The following UNC5D variants were observed in gnomAD, a reference collection of about 807,000 sequenced individuals.
UNC5D encodes the protein netrin receptor UNC5D.
In UNC5D, 39 loss-of-function variants were observed where a neutral mutation model predicts 105.4. That is an observed-to-expected ratio of 0.37 (90% CI 0.29 to 0.48). The LOEUF is 0.48. UNC5D is among the 20% of genes least tolerant of loss of function. The pLI is 0.98. For missense variants in UNC5D, 991 were observed against 1,202.4 expected, an observed-to-expected ratio of 0.82 and a Z score of 2.60; for synonymous variants, 452 against 450.4, an observed-to-expected ratio of 1.00 and a Z score of -0.04.
intron 16 of UNC5D, among the ~76,000 whole-genome samples, chr8:35,777,775 T>C (rs1802322158): frequency 6.6e-6 from 1 of 152,238 alleles, no homozygotes; most frequent in Non-Finnish European, 1.5e-5. Flanking sequence ...TGCTGACCCC[T>C]GATTTAAGTG....
intron 13 of UNC5D, among the ~76,000 whole-genome samples, chr8:35,754,204 A>AGAGT (rs1173773663): frequency 2.6e-5 from 4 of 152,148 alleles, no homozygotes; most frequent in African/African-American, 9.7e-5. Context: ...ATACAGTAAT[A>AGAGT]ATATTTTCTG....
At chr8:35,558,748 C>A (rs546644132) in intron 2 of UNC5D, among the ~76,000 whole-genome samples, 1 of 152,162 alleles carries the variant, frequency 6.6e-6, no homozygotes, top group African/African-American at 2.4e-5. Context: ...TTTGGGAGGC[C>A]GAGGTGGGCG....
intron 11 of UNC5D, among the ~76,000 whole-genome samples, chr8:35,744,606 A>T (rs893962664): frequency 6.6e-6 from 1 of 152,056 alleles, no homozygotes; most frequent in Non-Finnish European, 1.5e-5. Flanking sequence ...TACTGCCATG[A>T]TTTACTCTGA....
Position 35,588,458 on chromosome 8 carries a change from T to A in UNC5D, c.467-7096T>A, listed in dbSNP as rs7827951. ...GTGAGATTCTCTGCCTCAGTTTAGA[T>A]ATTACTCTCTGAGAAACTTTTTTGC... On this transcript the variant is annotated intron_variant, in intron 3 of 16. Coordinates refer to ENST00000404895, the MANE Select transcript of UNC5D (RefSeq NM_080872.4). Among the ~76,000 whole-genome samples the A allele has an allele frequency of 2.3e-3, 347 of 152,332 alleles. 2 individuals are homozygous for A. Among genetic ancestry groups the A allele is most frequent in the African/African-American group, 8.0e-3 (333 of 41,588 alleles).
chr8:35,303,059 A>G lies in UNC5D; in HGVS notation c.103+67172A>G, dbSNP rs552019724. On this transcript the variant is annotated intron_variant, in intron 1 of 16. Transcript: ENST00000404895. ...ATATATATGTTATTCAACTCAATTC[A>G]TCCAATATAATATTATGTCAACATA... Among the ~76,000 whole-genome samples, 496 of 152,238 alleles carry G rather than the reference A, an allele frequency of 3.3e-3. 5 individuals are homozygous for G. The highest frequency in any genetic ancestry group is 0.011 in the African/African-American group (470 of 41,558).
intron 16 of UNC5D, among the ~76,000 whole-genome samples, chr8:35,780,483 A>G (rs1356221963): frequency 6.6e-6 from 1 of 152,256 alleles, no homozygotes; most frequent in Non-Finnish European, 1.5e-5. Flanking sequence ...GAAGGCCCCA[A>G]GGCAGCTTAG....
intron 3 of UNC5D, among the ~76,000 whole-genome samples, chr8:35,594,910 G>T (rs1345844704): frequency 6.6e-6 from 1 of 152,200 alleles, no homozygotes; most frequent in Non-Finnish European, 1.5e-5. Flanking sequence ...TTTGCAAAGT[G>T]CCTGGAGCCT....
chr8:35,783,371 A>G (rs1802597024), intron 16 of UNC5D, among the ~76,000 whole-genome samples: 1 of 152,176 alleles, frequency 6.6e-6, no homozygotes, highest in Non-Finnish European at 1.5e-5. Context: ...ATATTTTTAT[A>G]TGAAATTTAT....
chr8:35,492,512 G>C (rs35546428), intron 1 of UNC5D, among the ~76,000 whole-genome samples: 11,229 of 152,148 alleles, frequency 0.074, 451 homozygotes, highest in Non-Finnish European at 0.087. Flanking sequence ...AAATGTGTAA[G>C]GGCAAGAAGG....
chr8:35,783,987 A>G (rs1259883542), intron 16 of UNC5D, among the ~76,000 whole-genome samples: 1 of 152,108 alleles, frequency 6.6e-6, no homozygotes, highest in Admixed American at 6.5e-5. Context: ...AAGATTCTAT[A>G]AAAAAATTTG....
chr8:35,654,597 C>A (rs893103159), intron 4 of UNC5D, among the ~76,000 whole-genome samples: 2 of 152,172 alleles, frequency 1.3e-5, no homozygotes, highest in Non-Finnish European at 1.5e-5. Context: ...TTATCACCAG[C>A]CTGGCGATGC....
At chr8:35,500,499 A>T (rs1811892250) in intron 1 of UNC5D, among the ~76,000 whole-genome samples, 2 of 152,164 alleles carry the variant, frequency 1.3e-5, no homozygotes, top group Non-Finnish European at 2.9e-5. Context: ...TAAACCATTC[A>T]TGTTCCTATT....
Position 35,443,122 on chromosome 8 carries a change from A to G in UNC5D, c.104-106170A>G, listed in dbSNP as rs529136178. On this transcript the variant is annotated intron_variant, in intron 1 of 16. Transcript: ENST00000404895. ...ATATTTTCTTTATACCATGTCAGGT[A>G]TCCGAAGCTTATTCTATCTCAGGGT... 2.8e-4 allele frequency among the ~76,000 whole-genome samples: 42 copies of G among 151,986 alleles called. No individual in the cohort carries two copies. The South Asian group carries it at 8.3e-3, about 30-fold the overall frequency.
At chr8:35,512,349 C>G (rs1812766011) in intron 1 of UNC5D, among the ~76,000 whole-genome samples, 1 of 150,146 alleles carries the variant, frequency 6.7e-6, no homozygotes, top group Admixed American at 6.6e-5. Flanking sequence ...TGGTGAGACC[C>G]TGTCTCTACA....
At chr8:35,632,515 C>A (rs1192832699) in intron 4 of UNC5D, among the ~76,000 whole-genome samples, 2 of 152,354 alleles carry the variant, frequency 1.3e-5, no homozygotes, top group African/African-American at 4.8e-5. Context: ...CAGGTCACTT[C>A]TTTTCCAAAG....
At chr8:35,765,087 T>C (rs185464934) in intron 14 of UNC5D, among the ~76,000 whole-genome samples, 170 of 152,336 alleles carry the variant, frequency 1.1e-3, no homozygotes, top group African/African-American at 4.0e-3. Flanking sequence ...CCGGTGAATG[T>C]CCAGAAGCCC....
At chr8:35,734,371 C>T (rs1316851278) in intron 11 of UNC5D, among the ~76,000 whole-genome samples, 1 of 144,146 alleles carries the variant, frequency 6.9e-6, no homozygotes, top group Non-Finnish European at 1.5e-5. Context: ...AAGCCTGTCT[C>T]ATTTCCCAAA....
chr8:35,386,093 A>T (rs553140340), intron 1 of UNC5D, among the ~76,000 whole-genome samples: 1 of 152,192 alleles, frequency 6.6e-6, no homozygotes, highest in Non-Finnish European at 1.5e-5. Flanking sequence ...AAACGCCAAC[A>T]TTCATGCTTA....
At chr8:35,305,072 C>G (rs1160460612) in intron 1 of UNC5D, among the ~76,000 whole-genome samples, 2 of 152,042 alleles carry the variant, frequency 1.3e-5, no homozygotes, top group African/African-American at 2.4e-5. Context: ...AGGTCATCCT[C>G]ATGAAATGGC....
Sources: gnomAD v4.1 joint callset for allele counts (sites outside exome capture counted in the v4.1 genomes callset) on GRCh38, gnomAD v4.1.1 for gene constraint, MANE v1.5 for transcripts, NCBI Gene and HGNC (gene_info 2026-07-23, HGNC 2026-07-21) for gene names.